The following MYB variants were observed in gnomAD, a reference collection of about 807,000 sequenced individuals.
MYB encodes MYB proto-oncogene, transcription factor.
In MYB, 28 loss-of-function variants were observed where a neutral mutation model predicts 92.9. The observed-to-expected ratio is 0.30, with a 90% CI of 0.22 to 0.41. The LOEUF (loss-of-function observed/expected upper bound fraction) is 0.41. Ranked by LOEUF, MYB falls within the 10% of genes least tolerant of loss-of-function variation. The pLI is 1.00. For synonymous variants in MYB, 295 were observed against 329.1 expected (o/e 0.90, Z 1.12); for missense variants, 679 against 929.3 (o/e 0.73, Z 3.50).
intron 5 of MYB, among the ~76,000 whole-genome samples, chr6:135,191,212 T>C (rs1776584204): frequency 6.6e-6 from 1 of 152,252 alleles, no homozygotes; most frequent in Admixed American, 6.5e-5. Flanking sequence ...AGGGTAATAA[T>C]GCTTTCTTTT....
intron 11 of MYB, chr6:135,199,499 A>T (rs1777777190): frequency 2.4e-6 from 2 of 848,486 alleles, no homozygotes; most frequent in Non-Finnish European, 3.0e-6. Context: ...TTTTAATCTT[A>T]TTTTTTCTTT....
At chr6:135,187,932 G>T in intron 3 of MYB, 27 bp downstream of exon 3, 1 of 1,511,832 alleles carries the variant, frequency 6.6e-7, no homozygotes, top group Non-Finnish European at 9.2e-7. Flanking sequence ...TTCTTATAAC[G>T]AAAGGAAAGC....
At chr6:135,191,447 G>A (rs905376303) in intron 5 of MYB, among the ~76,000 whole-genome samples, 2 of 152,194 alleles carry the variant, frequency 1.3e-5, no homozygotes, top group African/African-American at 4.8e-5. Context: ...ATTCTCTAGT[G>A]ATGCTCCAAA....
chr6:135,200,905 C>T (rs527995294), intron 13 of MYB, among the ~76,000 whole-genome samples: 8 of 152,030 alleles, frequency 5.3e-5, no homozygotes, highest in Middle Eastern at 6.8e-3. Context: ...GGTGAAACCC[C>T]GTATCCACTA....
At chr6:135,208,336 C>G (rs1225610656) in intron 15 of MYB, among the ~76,000 whole-genome samples, 1 of 151,614 alleles carries the variant, frequency 6.6e-6, no homozygotes, top group African/African-American at 2.4e-5. Context: ...CTTGGCCTAC[C>G]AAAGTGCTGG....
intron 15 of MYB, among the ~76,000 whole-genome samples, chr6:135,215,363 TAAG>T (rs1463893809): frequency 6.6e-6 from 1 of 152,210 alleles, no homozygotes; most frequent in African/African-American, 2.4e-5. Flanking sequence ...TTGTTTCTGA[TAAG>T]AACTCGAATT....
intron 10 of MYB, among the ~76,000 whole-genome samples, chr6:135,197,790 T>G (rs1583314576): frequency 6.6e-6 from 1 of 152,342 alleles, no homozygotes; most frequent in East Asian, 1.9e-4. Flanking sequence ...ATTTAAAGGT[T>G]CCAATTCATC....
At chr6:135,210,092 C>T (rs530318640) in intron 15 of MYB, among the ~76,000 whole-genome samples, 1 of 152,324 alleles carries the variant, frequency 6.6e-6, no homozygotes, top group South Asian at 2.1e-4. Flanking sequence ...TGCCTGCTTT[C>T]CTCAGCGTGC....
chr6:135,198,973 C>A lies in MYB; in HGVS notation c.1632C>A (p.Pro544=), dbSNP rs752892533. ...AAATGCCTTCTTTAACTTCCACCCC[C>A]CTCATTGGTCACAAATTGACTGTTA... ...DLEMPSLTST[P]LIGHKLTVTT... is the part of the protein sequence containing the mutation. Residue 544 remains proline (P), a synonymous_variant, in exon 11 of 16, where the codon CCC becomes CCA. Coordinates refer to ENST00000341911, the MANE Select transcript of MYB (RefSeq NM_001130173.2). 2.5e-6 allele frequency: 4 copies of A among 1,611,380 alleles called. No individual in the cohort carries two copies. Among genetic ancestry groups the A allele is most frequent in the Admixed American group, 1.7e-5 (1 of 59,938 alleles).
At chr6:135,204,821 A>T (rs9483799) in intron 15 of MYB, among the ~76,000 whole-genome samples, 7 of 152,070 alleles carry the variant, frequency 4.6e-5, no homozygotes, top group Non-Finnish European at 1.5e-5. Flanking sequence ...AGAATACCAC[A>T]AAGAGGCCAG....
intron 15 of MYB, among the ~76,000 whole-genome samples, chr6:135,215,483 C>T (rs1780310529): frequency 6.6e-6 from 1 of 152,178 alleles, no homozygotes; most frequent in Admixed American, 6.5e-5. Flanking sequence ...ATCCTCTCTT[C>T]CTTTCAAATT....
At chr6:135,206,225 A>AATAAT (rs1554254479) in intron 15 of MYB, among the ~76,000 whole-genome samples, 1 of 96,642 alleles carries the variant, frequency 1.0e-5, no homozygotes, top group South Asian at 3.6e-4. Flanking sequence ...AAAAAAAAAA[A>AATAAT]AATAATAATA....
chr6:135,189,120 C>G (rs1454603338), intron 3 of MYB, among the ~76,000 whole-genome samples: 1 of 152,192 alleles, frequency 6.6e-6, no homozygotes. Context: ...TTCTGTCCAT[C>G]CTTCAAAGTC....
At chr6:135,204,176 G>T (rs915780340) in intron 15 of MYB, among the ~76,000 whole-genome samples, 1 of 152,164 alleles carries the variant, frequency 6.6e-6, no homozygotes, top group Non-Finnish European at 1.5e-5. Flanking sequence ...AGCAGCCTTT[G>T]AGTCTGCCCA....
intron 15 of MYB, among the ~76,000 whole-genome samples, chr6:135,212,224 C>CTTTTTTTGTTTTTTT (rs1779811244): frequency 3.0e-5 from 1 of 32,880 alleles, no homozygotes; most frequent in Non-Finnish European, 5.3e-5. Flanking sequence ...TTTGGTTTTA[C>CTTTTTTTGTTTTTTT]TTTTTTTTTT....
chr6:135,206,407 A>AT (rs1778934453), intron 15 of MYB, among the ~76,000 whole-genome samples: 1 of 150,264 alleles, frequency 6.7e-6, no homozygotes, highest in Non-Finnish European at 1.5e-5. Flanking sequence ...TCTAAAAAAA[A>AT]TTTTTTAAGG....
At chr6:135,202,875 T>C in intron 14 of MYB, 1 of 520,524 alleles carries the variant, frequency 1.9e-6, no homozygotes, top group Non-Finnish European at 3.7e-6. Flanking sequence ...ATATATGAAA[T>C]AAAGTGTTCT....
chr6:135,181,663 C>A lies in MYB; in HGVS notation c.23+127C>A. 1 of 547,992 alleles carries A rather than the reference C, an allele frequency of 1.8e-6. No individual in the cohort carries two copies. Among genetic ancestry groups the A allele is most frequent in the Non-Finnish European group, 2.5e-6 (1 of 404,676 alleles). The allele number at this position is 547,992 out of a possible 1,614,324, so 33.9% of individuals were successfully genotyped here. ...AGGGGCTGTCAGACCCTCCGAGGACCTGGAGCCCCTGCCTCGGCAGCAGAA... is the reference window on the plus strand; with the variant it reads ...AGGGGCTGTCAGACCCTCCGAGGACATGGAGCCCCTGCCTCGGCAGCAGAA... On this transcript the variant is annotated intron_variant, in intron 1 of 15. Transcript: ENST00000341911. The surrounding 1 kb of genome is among the most constrained non-coding windows in gnomAD (Gnocchi z 5.3).
intron 5 of MYB, among the ~76,000 whole-genome samples, chr6:135,191,115 CA>C (rs1341360144): frequency 1.3e-5 from 2 of 152,140 alleles, no homozygotes; most frequent in Non-Finnish European, 2.9e-5. Context: ...TTCATTATAC[CA>C]CTTTGCTTAA....
Sources: gnomAD v4.1 joint callset for allele counts (sites outside exome capture counted in the v4.1 genomes callset) on GRCh38, gnomAD v4.1.1 for gene constraint, Gnocchi (gnomAD v3.1) non-coding constraint, MANE v1.5 for transcripts, NCBI Gene and HGNC (gene_info 2026-07-23, HGNC 2026-07-21) for gene names.